Variants in CBFA2T2 observed in about 807,000 individuals in gnomAD.
CBFA2T2 encodes the protein CBFA2/RUNX1 partner transcriptional co-repressor 2, also known as protein CBFA2T2.
A neutral mutation model predicts 62.2 loss-of-function variants in CBFA2T2; 11 were observed. That is an observed-to-expected ratio of 0.18 (90% CI 0.11 to 0.29). The LOEUF (loss-of-function observed/expected upper bound fraction) is 0.29. Among genes scored for constraint, CBFA2T2 ranks in the 10% least tolerant of loss-of-function variants. The probability of loss-of-function intolerance (pLI) is 1.00; values close to 1 mark genes in which losing one functional copy is unlikely to be tolerated. For missense variants in CBFA2T2, 592 were observed against 774.1 expected (o/e 0.76, Z 2.79); for synonymous variants, 295 against 287.5 (o/e 1.03, Z -0.27).
At chr20:33,497,781 C>T (rs2011220069) in intron 1 of CBFA2T2, among the ~76,000 whole-genome samples, 1 of 152,140 alleles carries the variant, frequency 6.6e-6, no homozygotes, top group Non-Finnish European at 1.5e-5. Flanking sequence ...ATCACTTGAC[C>T]TCGTGATCTG....
At chr20:33,598,651 TCAGCTGA>T (rs1318899602) in intron 1 of CBFA2T2, among the ~76,000 whole-genome samples, 1 of 152,180 alleles carries the variant, frequency 6.6e-6, no homozygotes, top group Non-Finnish European at 1.5e-5. Flanking sequence ...TACATCCTCC[TCAGCTGA>T]CAGGATTAAG....
intron 1 of CBFA2T2, among the ~76,000 whole-genome samples, chr20:33,531,729 G>T (rs1218195156): frequency 6.6e-6 from 1 of 152,210 alleles, no homozygotes; most frequent in Admixed American, 6.5e-5. Flanking sequence ...TTCTGAATCA[G>T]ACATTGTGGA....
At chr20:33,607,814 G>A (rs1016734128) in intron 2 of CBFA2T2, among the ~76,000 whole-genome samples, 2 of 152,136 alleles carry the variant, frequency 1.3e-5, no homozygotes, top group African/African-American at 4.8e-5. Context: ...GAGGTACAAG[G>A]GGTAAGACTT....
intron 1 of CBFA2T2, among the ~76,000 whole-genome samples, chr20:33,515,347 TCTC>T (rs1409305204): frequency 2.6e-5 from 1 of 38,844 alleles, no homozygotes; most frequent in Admixed American, 4.9e-4. Context: ...CAAGACTCCA[TCTC>T]AAAAAAAAAA....
intron 1 of CBFA2T2, among the ~76,000 whole-genome samples, chr20:33,519,596 A>G (rs2011674910): frequency 6.6e-6 from 1 of 152,162 alleles, no homozygotes; most frequent in Admixed American, 6.6e-5. Context: ...GATTCCTTGC[A>G]CCAGTCTACC....
At chr20:33,603,694 A>G (rs1029253589) in intron 1 of CBFA2T2, among the ~76,000 whole-genome samples, 1 of 152,204 alleles carries the variant, frequency 6.6e-6, no homozygotes, top group Non-Finnish European at 1.5e-5. Flanking sequence ...GACTTAAGCC[A>G]CAATTGAGGG....
chr20:33,634,037 C>T (rs1359978344), intron 8 of CBFA2T2, among the ~76,000 whole-genome samples: 5 of 152,054 alleles, frequency 3.3e-5, no homozygotes, highest in African/African-American at 1.2e-4. Flanking sequence ...GGTGCAGTCT[C>T]GGCTCACTGC....
At chr20:33,594,283 G>A (rs201059753) in intron 1 of CBFA2T2, among the ~76,000 whole-genome samples, 10 of 152,012 alleles carry the variant, frequency 6.6e-5, no homozygotes, top group Middle Eastern at 3.4e-3. Flanking sequence ...GTGCAGTGGC[G>A]CAACCTCGGC....
chr20:33,564,743 C>G (rs1395528185), intron 1 of CBFA2T2, among the ~76,000 whole-genome samples: 1 of 151,168 alleles, frequency 6.6e-6, no homozygotes. Context: ...CCACGCCCAG[C>G]TAATTTTGGT....
At chr20:33,586,901 C>T (rs1000840436) in intron 1 of CBFA2T2, among the ~76,000 whole-genome samples, 1 of 152,138 alleles carries the variant, frequency 6.6e-6, no homozygotes, top group Admixed American at 6.5e-5. Context: ...ATAGAATTGT[C>T]TCTACCTAAC....
chr20:33,538,988 A>G (rs1018489154), intron 1 of CBFA2T2, among the ~76,000 whole-genome samples: 2 of 152,016 alleles, frequency 1.3e-5, no homozygotes, highest in Non-Finnish European at 2.9e-5. Context: ...CAACTTATTT[A>G]TTCCTCCACA....
At chr20:33,633,034 C>T (rs1334726183) in intron 8 of CBFA2T2, among the ~76,000 whole-genome samples, 1 of 151,948 alleles carries the variant, frequency 6.6e-6, no homozygotes. Context: ...GCTGGGATTA[C>T]AGACATAAGC....
intron 1 of CBFA2T2, among the ~76,000 whole-genome samples, chr20:33,554,029 G>A (rs1470264137): frequency 6.6e-6 from 1 of 151,822 alleles, no homozygotes; most frequent in African/African-American, 2.4e-5. Context: ...TTTGGTTTTG[G>A]GATAGATTAA....
intron 4 of CBFA2T2, among the ~76,000 whole-genome samples, chr20:33,621,368 G>A (rs1183985239): frequency 4.4e-5 from 6 of 136,244 alleles, no homozygotes; most frequent in South Asian, 2.3e-4. Context: ...GCGCGATCTC[G>A]GCTCTACAAC....
chr20:33,536,052 G>A (rs2012212621), intron 1 of CBFA2T2, among the ~76,000 whole-genome samples: 1 of 152,206 alleles, frequency 6.6e-6, no homozygotes, highest in African/African-American at 2.4e-5. Context: ...AAAATGAAAA[G>A]TCTCACATGT....
At chr20:33,593,359 A>G (rs1026686671) in intron 1 of CBFA2T2, among the ~76,000 whole-genome samples, 5 of 151,112 alleles carry the variant, frequency 3.3e-5, no homozygotes, top group African/African-American at 4.9e-5. Flanking sequence ...AACCTATTAC[A>G]TAATAAACTG....
At position 33,545,010 on chromosome 20, in the gene CBFA2T2, T is replaced by TAGAACAGAACAGAACAGAAC. The variant is rs199760817; in HGVS notation, c.34+54723_34+54724insCAGAACAGAACAGAACAGAA. ...TAGAATAGAATAGAATAGAATAGAA[T>TAGAACAGAACAGAACAGAAC]AGAACAGAACAGAATGCAAGGTAGA... On this transcript the variant is annotated intron_variant, in intron 1 of 10. Coordinates refer to ENST00000342704, the MANE Select transcript of CBFA2T2 (RefSeq NM_001032999.3). Among the ~76,000 whole-genome samples, 87 of 114,000 alleles carry TAGAACAGAACAGAACAGAAC rather than the reference T, an allele frequency of 7.6e-4. 1 individual carries two copies. The highest frequency in any genetic ancestry group is 2.6e-3 in the African/African-American group (79 of 30,004). The allele number at this position is 114,000 out of a possible 152,430, so 74.8% of individuals were successfully genotyped here.
chr20:33,602,500 A>C (rs1441158479), intron 1 of CBFA2T2, among the ~76,000 whole-genome samples: 1 of 151,618 alleles, frequency 6.6e-6, no homozygotes, highest in African/African-American at 2.4e-5. Flanking sequence ...GATTGTGGGC[A>C]GTTTATCATG....
chr20:33,578,528 A>G (rs2013939945), intron 1 of CBFA2T2, among the ~76,000 whole-genome samples: 1 of 152,236 alleles, frequency 6.6e-6, no homozygotes, highest in South Asian at 2.1e-4. Context: ...TAGAGTTGCC[A>G]TACTCTGAGG....
Sources: gnomAD v4.1 joint callset for allele counts (sites outside exome capture counted in the v4.1 genomes callset) on GRCh38, gnomAD v4.1.1 for gene constraint, MANE v1.5 for transcripts, NCBI Gene and HGNC (gene_info 2026-07-23, HGNC 2026-07-21) for gene names.